The following QSER1 variants were observed in gnomAD, a reference collection of about 807,000 sequenced individuals.
QSER1 encodes glutamine and serine rich 1.
Under a neutral mutation model 158.5 loss-of-function variants are expected in QSER1, and 49 were observed. That is an observed-to-expected ratio of 0.31 (90% CI 0.25 to 0.39). QSER1 has a LOEUF of 0.39. QSER1 is among the 10% of genes least tolerant of loss of function. The pLI is 1.00. For missense variants in QSER1, 1,754 were observed against 2,010.3 expected (o/e 0.87, Z 2.44); for synonymous variants, 650 against 715.5 (o/e 0.91, Z 1.46).
At chr11:32,953,817 A>G (rs1410107030) in intron 4 of QSER1, 40 bp from the exon 5 acceptor site, 1 of 1,550,936 alleles carries the variant, frequency 6.4e-7, no homozygotes, top group East Asian at 2.3e-5. Context: ...GTGTTTAAAT[A>G]TTTGTAATAC....
At chr11:32,913,435 C>T (rs897027785) in intron 1 of QSER1, among the ~76,000 whole-genome samples, 17 of 151,968 alleles carry the variant, frequency 1.1e-4, no homozygotes, top group African/African-American at 1.7e-4. Context: ...CCTCATGATC[C>T]GCCCACCTTG....
rs766414734 is a variant in QSER1, at chr11:32,935,247, C to T, written c.3989C>T (p.Thr1330Ile). 9 of 1,613,932 alleles carry T rather than the reference C, an allele frequency of 5.6e-6. No individual in the cohort carries two copies. Among genetic ancestry groups the T allele is most frequent in the Non-Finnish European group, 6.8e-6 (8 of 1,179,938 alleles). Reference protein sequence around the residue: ...PLPKPSSTTPTPLVSETGGNS... With the variant: ...PLPKPSSTTPIPLVSETGGNS... ...CCCAAGCCTTCATCTACAACACCCA[C>T]ACCTTTAGTGTCTGAAACTGGCGGT... Residue 1330 changes from threonine to isoleucine, a missense_variant, in exon 4 of 13, where the codon ACA (threonine) becomes ATA (isoleucine). Physicochemically the swap from Thr to Ile is moderately conservative, Grantham distance 89. This residue lies in a region of QSER1 where 1,707 missense variants were observed against 1,919.6 expected (regional missense o/e 0.89). Coordinates refer to ENST00000650167, the MANE Select transcript of QSER1 (RefSeq NM_001076786.3).
chr11:32,893,812 C>T lies in QSER1; in HGVS notation c.209+478C>T, dbSNP rs939265671. Among the ~76,000 whole-genome samples the T allele has an allele frequency of 1.3e-5, 2 of 152,094 alleles. No homozygotes were observed. The highest frequency in any genetic ancestry group is 2.4e-5 in the African/African-American group (1 of 41,402). ...AGAGGAAGAGTCGCGGAACCGCGTC[C>T]CGGAGACACTGGGGGGCCCGGGAGG... On this transcript the variant is annotated intron_variant, in intron 1 of 12. Coordinates refer to ENST00000650167, the MANE Select transcript of QSER1 (RefSeq NM_001076786.3). This position sits in a 1 kb window ranked among gnomAD's most constrained non-coding sequence, Gnocchi z 4.7.
Position 32,893,390 on chromosome 11 carries a change from T to G in QSER1, c.209+56T>G, listed in dbSNP as rs1023593051. ...GACCAGGAAAGGCCGGGGATGCGTT[T>G]GGGGCCTTCGCTCGGTTGCAGCGCC... On this transcript the variant is annotated intron_variant, in intron 1 of 12. Transcript: ENST00000650167. This position sits in a 1 kb window ranked among gnomAD's most constrained non-coding sequence, Gnocchi z 4.7. 2.0e-5 allele frequency: 3 copies of G among 152,118 alleles called. No homozygotes were observed. The highest frequency in any genetic ancestry group is 7.3e-5 in the African/African-American group (3 of 41,370). 9.4% of individuals were successfully genotyped at this position (152,118 alleles called of 1,614,324 possible). A position where few individuals can be genotyped will look rare whatever the true frequency, so the allele number is the denominator to read the frequency against.
chr11:32,945,367 G>T (rs1323902775), intron 4 of QSER1, among the ~76,000 whole-genome samples: 1 of 151,760 alleles, frequency 6.6e-6, no homozygotes, highest in Non-Finnish European at 1.5e-5. Flanking sequence ...TTTTGCAGCG[G>T]CTGGTACCGG....
At chr11:32,917,033 C>A (rs1221457434) in intron 1 of QSER1, among the ~76,000 whole-genome samples, 2 of 152,198 alleles carry the variant, frequency 1.3e-5, no homozygotes, top group Non-Finnish European at 2.9e-5. Flanking sequence ...GTGATCCACC[C>A]ACCTCGGCCT....
chr11:32,961,399 CAT>C (rs1294319972), intron 8 of QSER1, among the ~76,000 whole-genome samples: 23 of 152,228 alleles, frequency 1.5e-4, no homozygotes, highest in Non-Finnish European at 3.1e-4. Flanking sequence ...GTTCATTGGT[CAT>C]GTGAAAATAT....
In QSER1 at chr11:32,920,071, GCCTTGGTT is replaced by G. The variant is rs149171592; in HGVS notation, c.210-7081_210-7074del. Among the ~76,000 whole-genome samples, 35 of 152,168 alleles carry G rather than the reference GCCTTGGTT, an allele frequency of 2.3e-4. No homozygotes were observed. The East Asian group carries it at 5.6e-3, about 24-fold the overall frequency. The stretch of plus-strand genomic sequence containing the variant: ...CTAGAATCAGCCATTTCTCCAAGGA[GCCTTGGTT>G]CCTTTTTCTTGGAGAATGGTACGAG... On this transcript the variant is annotated intron_variant, in intron 1 of 12. Transcript: ENST00000650167.
In QSER1 at chr11:32,958,083, G is replaced by A; in HGVS notation, c.4966G>A (p.Glu1656Lys). 1 of 1,612,950 alleles carries A rather than the reference G, an allele frequency of 6.2e-7. No homozygotes were observed. The highest frequency in any genetic ancestry group is 1.1e-5 in the South Asian group (1 of 90,960). ...PEIHTSSSDD[E>K]EFEPPAPFVT... ...GATCCATACTAGTAGTAGTGACGAT[G>A]AGGGTGAGTTTTCCGTGAAATGGCT... Residue 1656 changes from glutamate (E) to lysine (K), a missense_variant, in exon 8 of 13, where the codon GAG becomes AAG. Glu to Lys is a moderately conservative substitution (Grantham distance 56). This residue lies in a region of QSER1 where 1,707 missense variants were observed against 1,919.6 expected (regional missense o/e 0.89). Transcript: ENST00000650167.
In QSER1 at chr11:32,932,246, A is replaced by G. The variant is rs1473693247; in HGVS notation, c.988A>G (p.Ile330Val). The stretch of plus-strand genomic sequence containing the variant: ...TCAGCGGCCTTCAGGTACCCAGTCA[A>G]TTCAGGCACAACTGACTGGTTCACA... ...HHQRPSGTQS[I>V]QAQLTGSQHS... is the part of the protein sequence containing the mutation. Residue 330 changes from isoleucine to valine, a missense_variant, in exon 4 of 13, where the codon ATT becomes GTT. Ile to Val is a conservative substitution (Grantham distance 29, BLOSUM62 3). Transcript: ENST00000650167. 1 of 1,614,112 alleles carries G rather than the reference A, an allele frequency of 6.2e-7. No homozygotes were observed. Among genetic ancestry groups the G allele is most frequent in the Non-Finnish European group, 8.5e-7 (1 of 1,180,020 alleles).
intron 1 of QSER1, among the ~76,000 whole-genome samples, chr11:32,904,457 T>C (rs971281786): frequency 1.3e-4 from 20 of 152,262 alleles, no homozygotes; most frequent in Admixed American, 1.3e-3. Context: ...CTCAAAGTGC[T>C]GGGATTACAG....
rs1852507184 is a variant in QSER1 at position 32,956,133 on chromosome 11, C to T, written c.4751+12C>T. On this transcript the variant is annotated intron_variant, in intron 7 of 12. Transcript: ENST00000650167. ...TCACAAACTATCAGGTATTTGTTTT[C>T]TTAGGTGATATATTTGTGCATATAT... The T allele has an allele frequency of 1.2e-6, 2 of 1,602,566 alleles. No homozygotes were observed. The highest frequency in any genetic ancestry group is 1.7e-6 in the Non-Finnish European group (2 of 1,171,880).
intron 4 of QSER1, among the ~76,000 whole-genome samples, chr11:32,948,402 G>A (rs1403447516): frequency 6.6e-6 from 1 of 152,168 alleles, no homozygotes; most frequent in Non-Finnish European, 1.5e-5. Context: ...TACCATCTAT[G>A]TATGCATCTC....
chr11:32,912,937 C>G (rs961338404), intron 1 of QSER1, among the ~76,000 whole-genome samples: 1 of 152,026 alleles, frequency 6.6e-6, no homozygotes, highest in African/African-American at 2.4e-5. Context: ...TTAACTCTTA[C>G]TAAAATTCTT....
chr11:32,966,483 TAAAA>T lies in QSER1; in HGVS notation c.5107+50_5107+53del, dbSNP rs771222140. The T allele has an allele frequency of 2.6e-6, 4 of 1,561,040 alleles. No homozygotes were observed. In the Admixed American group the frequency reaches 6.1e-5, roughly 24 times the overall value. On this transcript the variant is annotated intron_variant, in intron 9 of 12. Transcript: ENST00000650167. ...CTTCCTTGGTAGTACTTCCTGGAAT[TAAAA>T]AAAGAAATCTTGTCTGTTAGTTATA...
chr11:32,932,828 T>G lies in QSER1; in HGVS notation c.1570T>G (p.Ser524Ala), dbSNP rs1393585999. 6.2e-7 allele frequency: 1 copy of G among 1,613,944 alleles called. No individual in the cohort carries two copies. Among genetic ancestry groups the G allele is most frequent in the Non-Finnish European group, 8.5e-7 (1 of 1,179,980 alleles). The change falls in exon 4 of 13, where the codon TCA (serine) becomes GCA (alanine). Residue 524 changes from serine (S) to alanine (A), a missense_variant. Physicochemically the swap from Ser to Ala is moderately conservative, Grantham distance 99 (BLOSUM62 1). Around this residue, in one of 2 missense-constraint regions of QSER1, gnomAD observed 1,707 missense variants for 1,919.6 expected, o/e 0.89. Transcript: ENST00000650167. ...VTPENQTLNY[S>A]SNQQEVLSSV... ...TCCTGAAAATCAGACGCTTAATTAT[T>G]CATCTAATCAGCAAGAGGTATTGTC...
At chr11:32,926,305 A>G (rs1342383589) in intron 1 of QSER1, among the ~76,000 whole-genome samples, 2 of 152,202 alleles carry the variant, frequency 1.3e-5, no homozygotes, top group African/African-American at 4.8e-5. Flanking sequence ...AATATGACCT[A>G]TATATTACAT....
chr11:32,896,474 C>T (rs1851557150), intron 1 of QSER1, among the ~76,000 whole-genome samples: 1 of 152,140 alleles, frequency 6.6e-6, no homozygotes, highest in Non-Finnish European at 1.5e-5. Flanking sequence ...CCTGCCTCAG[C>T]CTCCTGAGTA....
chr11:32,964,753 C>T lies in QSER1; in HGVS notation c.4970-1547C>T, dbSNP rs1321783841. ...ATATATATATATACACACACACACA[C>T]ACACACACACACACACACACACACA... On this transcript the variant is annotated intron_variant, in intron 8 of 12. Transcript: ENST00000650167. Among the ~76,000 whole-genome samples, 298 of 139,162 alleles carry T rather than the reference C, an allele frequency of 2.1e-3. 3 individuals carry two copies. Among genetic ancestry groups the T allele is most frequent in the East Asian group, 0.014 (66 of 4,888 alleles). The allele number at this position is 139,162 out of a possible 152,430, so 91.3% of individuals were successfully genotyped here. A position where few individuals can be genotyped will look rare whatever the true frequency, so the allele number is the denominator to read the frequency against.
Sources: gnomAD v4.1 joint callset for allele counts (sites outside exome capture counted in the v4.1 genomes callset) on GRCh38, gnomAD v4.1.1 for gene constraint, gnomAD v4.1.1 regional missense constraint, Gnocchi (gnomAD v3.1) non-coding constraint, MANE v1.5 for transcripts, NCBI Gene and HGNC (gene_info 2026-07-23, HGNC 2026-07-21) for gene names.